The following LRMDA variants were observed in gnomAD, a reference collection of about 807,000 sequenced individuals.
The protein encoded by LRMDA is leucine rich melanocyte differentiation associated.
LRMDA carries 18 observed loss-of-function variants against 29.8 expected under a neutral mutation model. The observed-to-expected ratio is 0.60, with a 90% confidence interval of 0.42 to 0.90. The LOEUF (loss-of-function observed/expected upper bound fraction) is 0.90, where lower values mean the gene tolerates loss of function less well. Ranked by LOEUF, LRMDA falls within the 40% of genes least tolerant of loss-of-function variation. LRMDA has a pLI of 0.00. For missense variants in LRMDA, 273 were observed against 273.9 expected (o/e 1.00, Z 0.02); for synonymous variants, 125 against 109.4 (o/e 1.14, Z -0.89).
chr10:76,323,217 C>A (rs1252152079), intron 5 of LRMDA, among the ~76,000 whole-genome samples: 2 of 152,052 alleles, frequency 1.3e-5, no homozygotes, highest in Non-Finnish European at 2.9e-5. Context: ...TCCTGTAAGT[C>A]TCCACTGAAA....
At chr10:76,109,690 C>G (rs1359243948) in intron 5 of LRMDA, among the ~76,000 whole-genome samples, 1 of 152,226 alleles carries the variant, frequency 6.6e-6, no homozygotes, top group Non-Finnish European at 1.5e-5. Context: ...CAGAATTTGG[C>G]TCCACTATTC....
At chr10:76,348,173 G>A (rs1053379578) in intron 6 of LRMDA, among the ~76,000 whole-genome samples, 1 of 152,152 alleles carries the variant, frequency 6.6e-6, no homozygotes, top group Non-Finnish European at 1.5e-5. Flanking sequence ...TAGCCCCGAG[G>A]AAAGTACACA....
chr10:75,911,328 A>T (rs2132377097), intron 2 of LRMDA, among the ~76,000 whole-genome samples: 1 of 152,164 alleles, frequency 6.6e-6, no homozygotes, highest in South Asian at 2.1e-4. Flanking sequence ...GAAAGCTGGG[A>T]GGTGGCATGG....
At chr10:75,993,763 A>G (rs193264130) in intron 2 of LRMDA, among the ~76,000 whole-genome samples, 3 of 151,826 alleles carry the variant, frequency 2.0e-5, no homozygotes, top group Admixed American at 1.3e-4. Flanking sequence ...TGACTCATTT[A>G]TTCCCTCAGG....
chr10:75,587,320 T>C (rs1245736419), intron 2 of LRMDA, among the ~76,000 whole-genome samples: 1 of 152,144 alleles, frequency 6.6e-6, no homozygotes, highest in Non-Finnish European at 1.5e-5. Context: ...TATCCAGGGT[T>C]GCGTTTTTTT....
intron 6 of LRMDA, among the ~76,000 whole-genome samples, chr10:76,386,038 T>A (rs1362329418): frequency 6.6e-6 from 1 of 152,182 alleles, no homozygotes; most frequent in Non-Finnish European, 1.5e-5. Context: ...TTTGAACACT[T>A]GATTAGAACT....
chr10:76,370,774 T>C (rs1480984894), intron 6 of LRMDA, among the ~76,000 whole-genome samples: 3 of 152,136 alleles, frequency 2.0e-5, no homozygotes, highest in Non-Finnish European at 2.9e-5. Flanking sequence ...ATATAGTAAG[T>C]GGAGAGCACA....
chr10:75,924,474 C>T (rs914273126), intron 2 of LRMDA, among the ~76,000 whole-genome samples: 1 of 152,056 alleles, frequency 6.6e-6, no homozygotes, highest in African/African-American at 2.4e-5. Context: ...AAAATAATTG[C>T]ATTGGTTGGA....
At chr10:76,106,256 T>C (rs1849482481) in intron 5 of LRMDA, among the ~76,000 whole-genome samples, 1 of 152,228 alleles carries the variant, frequency 6.6e-6, no homozygotes, top group Admixed American at 6.5e-5. Context: ...ATTTAAGCAG[T>C]GTTCCAGTTT....
intron 2 of LRMDA, among the ~76,000 whole-genome samples, chr10:75,697,335 A>G (rs116156376): frequency 3.1e-5 from 4 of 129,350 alleles, no homozygotes; most frequent in African/African-American, 1.4e-4. Context: ...TTTTTTTTTT[A>G]AAGTAGTTCA....
At chr10:76,124,163 T>C (rs1849838472) in intron 5 of LRMDA, among the ~76,000 whole-genome samples, 1 of 152,236 alleles carries the variant, frequency 6.6e-6, no homozygotes, top group Admixed American at 6.5e-5. Flanking sequence ...TATCAAGTAC[T>C]AAGTATCCCT....
intron 2 of LRMDA, among the ~76,000 whole-genome samples, chr10:75,789,245 G>A (rs1187285979): frequency 6.6e-6 from 1 of 152,188 alleles, no homozygotes; most frequent in Admixed American, 6.5e-5. Flanking sequence ...GTTTTGTGAC[G>A]ATGAAATGAG....
chr10:75,609,481 C>T (rs1841000939), intron 2 of LRMDA, among the ~76,000 whole-genome samples: 2 of 152,204 alleles, frequency 1.3e-5, no homozygotes, highest in African/African-American at 4.8e-5. Context: ...AATCTCTGCT[C>T]TCCAGCACCT....
At chr10:75,558,007 C>T (rs1017125518) in intron 2 of LRMDA, among the ~76,000 whole-genome samples, 2 of 152,066 alleles carry the variant, frequency 1.3e-5, no homozygotes, top group African/African-American at 2.4e-5. Context: ...CGAAATGTTT[C>T]GTAGTTCTCT....
chr10:75,445,989 G>A (rs775353681), intron 2 of LRMDA, among the ~76,000 whole-genome samples: 1 of 152,230 alleles, frequency 6.6e-6, no homozygotes, highest in Non-Finnish European at 1.5e-5. Context: ...AGGGTAAAGG[G>A]CTTTGGAGTT....
chr10:75,618,510 AT>A (rs869109223), intron 2 of LRMDA, among the ~76,000 whole-genome samples: 4 of 82,312 alleles, frequency 4.9e-5, no homozygotes, highest in Non-Finnish European at 7.3e-5. Flanking sequence ...AACCATATAT[AT>A]TATATATATA....
At chr10:76,315,626 G>T (rs570277777) in intron 5 of LRMDA, among the ~76,000 whole-genome samples, 6 of 151,948 alleles carry the variant, frequency 3.9e-5, no homozygotes, top group South Asian at 2.1e-4. Context: ...AGCCCAGGGG[G>T]TGCTGAGGGC....
At chr10:75,457,045 A>T (rs577524383) in intron 2 of LRMDA, among the ~76,000 whole-genome samples, 4 of 152,364 alleles carry the variant, frequency 2.6e-5, no homozygotes, top group Admixed American at 2.6e-4. Context: ...GGTGACTCCC[A>T]TTCATCTATC....
chr10:75,848,995 G>T (rs1287801805), intron 2 of LRMDA, among the ~76,000 whole-genome samples: 1 of 152,136 alleles, frequency 6.6e-6, no homozygotes, highest in Non-Finnish European at 1.5e-5. Context: ...GAGACTGGAA[G>T]GTGGAGCAAG....
Sources: allele counts gnomAD v4.1 joint callset (sites outside exome capture counted in the v4.1 genomes callset), GRCh38; gene constraint gnomAD v4.1.1; transcripts MANE v1.5; gene names NCBI Gene and HGNC (gene_info 2026-07-23, HGNC 2026-07-21).